SYN3: variants seen among roughly 807,000 people sequenced by gnomAD.
The protein encoded by SYN3 is synapsin-3.
A neutral mutation model predicts 65.8 loss-of-function variants in SYN3; 35 were observed. The ratio of observed to expected loss-of-function variants is 0.53; its 90% confidence interval spans 0.41 to 0.70. SYN3 has a LOEUF of 0.70. SYN3 is among the 30% of genes least tolerant of loss of function. The pLI, the probability that SYN3 is intolerant of heterozygous loss-of-function variation, is 0.00. For synonymous variants in SYN3, 270 were observed against 292.9 expected, an observed-to-expected ratio of 0.92 and a Z score of 0.80; for missense variants, 680 against 749.0, an observed-to-expected ratio of 0.91 and a Z score of 1.08.
At chr22:32,729,161 A>G (rs924654194) in intron 6 of SYN3, among the ~76,000 whole-genome samples, 1 of 152,240 alleles carries the variant, frequency 6.6e-6, no homozygotes, top group African/African-American at 2.4e-5. Flanking sequence ...ACCCACAACT[A>G]GACGATCAGC....
At chr22:33,013,818 G>C (rs1172344403) in intron 1 of SYN3, among the ~76,000 whole-genome samples, 1 of 152,018 alleles carries the variant, frequency 6.6e-6, no homozygotes, top group Non-Finnish European at 1.5e-5. Flanking sequence ...AGATCATGTG[G>C]TATTTGTCTT....
intron 4 of SYN3, among the ~76,000 whole-genome samples, chr22:32,883,382 G>A (rs1475359479): frequency 1.3e-5 from 2 of 152,198 alleles, no homozygotes; most frequent in Non-Finnish European, 2.9e-5. Flanking sequence ...GCAGAGGGTA[G>A]GAGCAGCTTT....
intron 2 of SYN3, among the ~76,000 whole-genome samples, chr22:32,988,516 G>C (rs2052603690): frequency 6.6e-6 from 1 of 151,934 alleles, no homozygotes; most frequent in Non-Finnish European, 1.5e-5. Context: ...GAGTCTGCAG[G>C]CTTTAAGGAA....
At chr22:32,545,906 T>C (rs1601606293) in intron 7 of SYN3, among the ~76,000 whole-genome samples, 2 of 152,150 alleles carry the variant, frequency 1.3e-5, no homozygotes, top group African/African-American at 4.8e-5. Context: ...CAAATGTTCC[T>C]TTTTATTTTA....
intron 6 of SYN3, among the ~76,000 whole-genome samples, chr22:32,851,255 A>G (rs893044866): frequency 1.3e-5 from 2 of 152,122 alleles, no homozygotes; most frequent in East Asian, 3.9e-4. Context: ...AACAATCCTC[A>G]TTACGAGACA....
At chr22:32,981,582 C>T (rs2052375449) in intron 2 of SYN3, among the ~76,000 whole-genome samples, 1 of 150,354 alleles carries the variant, frequency 6.7e-6, no homozygotes, top group Non-Finnish European at 1.5e-5. Flanking sequence ...GAAACTCAGT[C>T]TCAAACAATA....
intron 3 of SYN3, among the ~76,000 whole-genome samples, chr22:32,944,749 A>T (rs937339516): frequency 6.6e-6 from 1 of 152,232 alleles, no homozygotes; most frequent in Non-Finnish European, 1.5e-5. Context: ...AGAGGAAGTC[A>T]AATTGTCCCT....
chr22:32,591,992 C>T (rs528613884), intron 7 of SYN3, among the ~76,000 whole-genome samples: 1 of 152,288 alleles, frequency 6.6e-6, no homozygotes, highest in African/African-American at 2.4e-5. Flanking sequence ...AAGTGTTATT[C>T]TACTTCATAG....
At chr22:32,789,461 A>C (rs2046270616) in intron 6 of SYN3, among the ~76,000 whole-genome samples, 1 of 152,178 alleles carries the variant, frequency 6.6e-6, no homozygotes, top group African/African-American at 2.4e-5. Flanking sequence ...TCTGATATAA[A>C]ACAGAGTTCA....
At chr22:32,582,547 A>G (rs2058964225) in intron 7 of SYN3, among the ~76,000 whole-genome samples, 3 of 151,704 alleles carry the variant, frequency 2.0e-5, no homozygotes, top group Admixed American at 2.0e-4. Context: ...TAATTTTTGT[A>G]GAGACGGGCT....
rs185734183 is a variant in SYN3, at chr22:32,941,205, G to A, written c.370-9724C>T. 2.8e-3 allele frequency among the ~76,000 whole-genome samples: 433 copies of A among 152,254 alleles called. 3 individuals are homozygous for A. The highest frequency in any genetic ancestry group is 3.7e-3 in the Non-Finnish European group (250 of 68,020). ...CTGGTTGAGAGGGTAATAAATGGAG[G>A]AGAAAGCACATCTATTCTTTTAGAT... On this transcript the variant is annotated intron_variant, in intron 3 of 13. Transcript: ENST00000358763.
chr22:33,011,974 T>C (rs1266015131), intron 1 of SYN3, among the ~76,000 whole-genome samples: 1 of 152,190 alleles, frequency 6.6e-6, no homozygotes, highest in Non-Finnish European at 1.5e-5. Flanking sequence ...ATAAATTGTA[T>C]TACTCTTGCA....
At chr22:32,840,442 T>C (rs369292824) in intron 6 of SYN3, among the ~76,000 whole-genome samples, 51 of 152,098 alleles carry the variant, frequency 3.4e-4, no homozygotes, top group African/African-American at 1.1e-3. Context: ...AAAAGCCTAT[T>C]TGTGGGACTT....
chr22:32,908,722 C>T (rs1480743825), intron 4 of SYN3, among the ~76,000 whole-genome samples: 1 of 152,108 alleles, frequency 6.6e-6, no homozygotes, highest in African/African-American at 2.4e-5. Context: ...TGACAGGCCA[C>T]GTGGGCTGCA....
intron 4 of SYN3, among the ~76,000 whole-genome samples, chr22:32,915,784 G>A (rs961933382): frequency 1.3e-5 from 2 of 152,184 alleles, no homozygotes; most frequent in African/African-American, 4.8e-5. Context: ...GGGATGGGAA[G>A]CCCTTGTAGA....
chr22:32,990,154 G>A (rs894377355), intron 2 of SYN3, among the ~76,000 whole-genome samples: 14 of 152,154 alleles, frequency 9.2e-5, no homozygotes, highest in Non-Finnish European at 1.9e-4. Flanking sequence ...AGGGGATCAC[G>A]GGGATATTGT....
At chr22:32,548,497 T>C (rs5749459) in intron 7 of SYN3, among the ~76,000 whole-genome samples, 42,832 of 151,964 alleles carry the variant, frequency 0.28, 6,239 homozygotes, top group Middle Eastern at 0.38. Flanking sequence ...CTCAGCCTCC[T>C]GAGTAGCTGG....
intron 6 of SYN3, among the ~76,000 whole-genome samples, chr22:32,607,296 C>G (rs1159979802): frequency 6.6e-6 from 1 of 152,184 alleles, no homozygotes; most frequent in South Asian, 2.1e-4. Context: ...CTCCTGATCC[C>G]GGCCGCCAGG....
chr22:33,038,433 C>T (rs1022843403), intron 1 of SYN3, among the ~76,000 whole-genome samples: 24 of 152,154 alleles, frequency 1.6e-4, no homozygotes, highest in Admixed American at 1.6e-3. Flanking sequence ...GAAGAAAAGC[C>T]GACTTGCCTT....
Sources: gnomAD v4.1 joint callset for allele counts (sites outside exome capture counted in the v4.1 genomes callset) on GRCh38, gnomAD v4.1.1 for gene constraint, MANE v1.5 for transcripts, NCBI Gene and HGNC (gene_info 2026-07-23, HGNC 2026-07-21) for gene names.